The following RPS6KA2 variants were observed in gnomAD, a reference collection of about 807,000 sequenced individuals.
RPS6KA2 encodes the protein ribosomal protein S6 kinase A2.
RPS6KA2 carries 42 observed loss-of-function variants against 91.8 expected under a neutral mutation model. The observed-to-expected ratio is 0.46, with a 90% CI of 0.36 to 0.59. The LOEUF (loss-of-function observed/expected upper bound fraction) is 0.59. Ranked by LOEUF, RPS6KA2 falls within the 20% of genes least tolerant of loss-of-function variation. The probability of loss-of-function intolerance (pLI) is 0.00; values close to 1 mark genes in which losing one functional copy is unlikely to be tolerated. For synonymous variants in RPS6KA2, 414 were observed against 393.6 expected (o/e 1.05, Z -0.61); for missense variants, 798 against 978.5 (o/e 0.82, Z 2.46).
At chr6:166,647,714 G>A (rs1246507290) in intron 2 of RPS6KA2, among the ~76,000 whole-genome samples, 2 of 152,060 alleles carry the variant, frequency 1.3e-5, no homozygotes, top group Admixed American at 6.6e-5. Context: ...AGTTTTTCCA[G>A]GAGGCTTCCT....
Position 166,639,151 on chromosome 6 carries a change from G to A in RPS6KA2, c.124-100367C>T, listed in dbSNP as rs1562357933. ...CACAGAAAATTAATGAAATGGCTGG[G>A]AAGGCAGTCGACTCCCAAATATGAG... On this transcript the variant is annotated intron_variant, in intron 2 of 21. Coordinates refer to the RPS6KA2 transcript ENST00000503859. This position sits in a 1 kb window ranked among gnomAD's most constrained non-coding sequence, Gnocchi z 4.2. Among the ~76,000 whole-genome samples, 1 of 152,160 alleles carries A rather than the reference G, an allele frequency of 6.6e-6. No individual in the cohort carries two copies. Among genetic ancestry groups the A allele is most frequent in the Non-Finnish European group, 1.5e-5 (1 of 68,022 alleles).
rs1017181777 is a variant in RPS6KA2, at chr6:166,490,039, G to A, written c.818+632C>T. Among the ~76,000 whole-genome samples the A allele has an allele frequency of 6.6e-5, 10 of 152,166 alleles. No individual in the cohort carries two copies. Among genetic ancestry groups the A allele is most frequent in the African/African-American group, 2.2e-4 (9 of 41,454 alleles). ...AGTCAGTGGTGTCTGCTCACATTTA[G>A]GATGCTATGGCAAGGTGGTATGGGG... On this transcript the variant is annotated intron_variant, in intron 9 of 20. Coordinates refer to ENST00000265678, the MANE Select transcript of RPS6KA2 (RefSeq NM_021135.6). This position sits in a 1 kb window ranked among gnomAD's most constrained non-coding sequence, Gnocchi z 4.2.
intron 5 of RPS6KA2, among the ~76,000 whole-genome samples, chr6:166,507,969 C>G (rs892905016): frequency 1.3e-5 from 2 of 149,986 alleles, no homozygotes; most frequent in African/African-American, 4.9e-5. Context: ...CCCACACATG[C>G]ACATGCAGTC....
chr6:166,827,327 A>G (rs1780075180), intron 2 of RPS6KA2, among the ~76,000 whole-genome samples: 2 of 150,832 alleles, frequency 1.3e-5, no homozygotes, highest in South Asian at 4.2e-4. Context: ...TGCCTGTCCA[A>G]CCTCGGACTG....
At chr6:166,797,669 A>G (rs2128616748) in intron 2 of RPS6KA2, among the ~76,000 whole-genome samples, 1 of 152,146 alleles carries the variant, frequency 6.6e-6, no homozygotes, top group South Asian at 2.1e-4. Context: ...GAGAGGGAGG[A>G]GGAAGGCTTT....
intron 1 of RPS6KA2, chr6:166,586,344 C>T: frequency 6.3e-7 from 1 of 1,599,540 alleles, no homozygotes; most frequent in Non-Finnish European, 8.5e-7. Context: ...ACCAGCTCTG[C>T]TATTCCATTC....
chr6:166,425,128 A>G (rs1041461733), intron 16 of RPS6KA2, among the ~76,000 whole-genome samples: 5 of 152,218 alleles, frequency 3.3e-5, no homozygotes, highest in African/African-American at 4.8e-5. Context: ...AATCTCTATA[A>G]CAAATGTTCC....
intron 1 of RPS6KA2, among the ~76,000 whole-genome samples, chr6:166,597,227 T>A (rs1785564763): frequency 6.6e-6 from 1 of 151,532 alleles, no homozygotes; most frequent in South Asian, 2.1e-4. Flanking sequence ...AAGAATGGAG[T>A]CTCTAGAGGG....
intron 10 of RPS6KA2, chr6:166,475,905 A>C (rs1562520705): frequency 2.1e-6 from 1 of 478,588 alleles, no homozygotes. Flanking sequence ...GTATAAACAC[A>C]TTATGCCATC....
At chr6:166,668,879 CCTTCCTTT>C (rs1348826736) in intron 2 of RPS6KA2, among the ~76,000 whole-genome samples, 13 of 111,750 alleles carry the variant, frequency 1.2e-4, no homozygotes, top group Non-Finnish European at 2.3e-4. Flanking sequence ...TCTCTTCCTT[CCTTCCTTT>C]CTTTCTTTTC....
intron 2 of RPS6KA2, among the ~76,000 whole-genome samples, chr6:166,703,793 C>A (rs1789601188): frequency 1.3e-5 from 2 of 152,182 alleles, no homozygotes; most frequent in Admixed American, 6.5e-5. Context: ...AATGTCCTTT[C>A]TGCAATTCAT....
Position 166,412,000 on chromosome 6 carries a change from C to T in RPS6KA2, c.*762G>A, listed in dbSNP as rs1269278427. 1.3e-5 allele frequency: 2 copies of T among 152,326 alleles called. No homozygotes were observed. The highest frequency in any genetic ancestry group is 2.4e-5 in the African/African-American group (1 of 41,444). 9.4% of individuals were successfully genotyped at this position (152,326 alleles called of 1,614,324 possible). A position where few individuals can be genotyped will look rare whatever the true frequency, so the allele number is the denominator to read the frequency against. On this transcript the variant is annotated 3_prime_UTR_variant, in exon 21 of 21. Coordinates refer to ENST00000265678, the MANE Select transcript of RPS6KA2 (RefSeq NM_021135.6). The surrounding 1 kb of genome is among the most constrained non-coding windows in gnomAD (Gnocchi z 4.5). ...AGACGGCAGCCCAGTGCGCTTGGCCCCCCGGGGAAAGCCGAGACTGGAGGT... is the reference window on the plus strand; with the variant it reads ...AGACGGCAGCCCAGTGCGCTTGGCCTCCCGGGGAAAGCCGAGACTGGAGGT...
rs1038756646 is a variant in RPS6KA2, at chr6:166,435,381, T to G, written c.1333-2891A>C. 1.3e-5 allele frequency among the ~76,000 whole-genome samples: 2 copies of G among 152,258 alleles called. No individual in the cohort carries two copies. The highest frequency in any genetic ancestry group is 2.9e-5 in the Non-Finnish European group (2 of 68,028). ...CTGGATTTCAACCCATCGGAGCCAG[T>G]GTCCTGGTCATTTGCTAGAATCTGA... On this transcript the variant is annotated intron_variant, in intron 14 of 20. Coordinates refer to ENST00000265678, the MANE Select transcript of RPS6KA2 (RefSeq NM_021135.6). This position sits in a 1 kb window ranked among gnomAD's most constrained non-coding sequence, Gnocchi z 4.3.
At chr6:166,692,454 A>T (rs1789238943) in intron 2 of RPS6KA2, among the ~76,000 whole-genome samples, 1 of 152,186 alleles carries the variant, frequency 6.6e-6, no homozygotes, top group African/African-American at 2.4e-5. Context: ...AGGACAAGAC[A>T]GAATAACACT....
At chr6:166,750,764 G>A (rs1449919833) in intron 2 of RPS6KA2, among the ~76,000 whole-genome samples, 1 of 152,186 alleles carries the variant, frequency 6.6e-6, no homozygotes, top group African/African-American at 2.4e-5. Context: ...AGAGTGACAA[G>A]GATCATACTG....
In RPS6KA2 at chr6:166,801,945, TA is replaced by T. The variant is rs869037579; in HGVS notation, c.123+56254del. Among the ~76,000 whole-genome samples, 80 of 147,432 alleles carry T rather than the reference TA, an allele frequency of 5.4e-4. No individual in the cohort carries two copies. In the East Asian group the frequency reaches 0.011, roughly 20 times the overall value. ...AAATTCAAAAATCTGAGAGGAAAATTAAAAAAAAAAAATTTTTAAATCCCTC... is the reference window on the plus strand; with the variant it reads ...AAATTCAAAAATCTGAGAGGAAAATTAAAAAAAAAAATTTTTAAATCCCTC... On this transcript the variant is annotated intron_variant, in intron 2 of 21. Transcript: ENST00000503859.
rs141050691 is a variant in RPS6KA2, at chr6:166,611,518, C to G, written c.99+15403G>C. Among the ~76,000 whole-genome samples, 23 of 152,346 alleles carry G rather than the reference C, an allele frequency of 1.5e-4. No homozygotes were observed. In the East Asian group the frequency reaches 4.2e-3, roughly 28 times the overall value. ...AACATACTTATCCTCAGGCAAGCTT[C>G]TTGTACAGAGTGAATGAGATAAAAT... is the stretch of plus-strand genomic sequence containing the variant. On this transcript the variant is annotated intron_variant, in intron 1 of 20. Transcript: ENST00000265678.
intron 2 of RPS6KA2, chr6:166,858,187 C>T (rs373393079): frequency 1.2e-5 from 17 of 1,456,872 alleles, no homozygotes; most frequent in African/African-American, 2.7e-5. Context: ...TGTAATAAAA[C>T]GTGTATAGTT....
intron 3 of RPS6KA2, among the ~76,000 whole-genome samples, chr6:166,530,886 T>C (rs983451435): frequency 6.6e-6 from 1 of 152,188 alleles, no homozygotes; most frequent in African/African-American, 2.4e-5. Context: ...AGTGAGGCCG[T>C]CGGCCTGCCG....
Sources: allele counts gnomAD v4.1 joint callset (sites outside exome capture counted in the v4.1 genomes callset), GRCh38; gene constraint gnomAD v4.1.1; non-coding constraint Gnocchi (gnomAD v3.1); transcripts MANE v1.5; gene names NCBI Gene and HGNC (gene_info 2026-07-23, HGNC 2026-07-21).